Variants in MARCHF1 observed in about 807,000 individuals in gnomAD.
The protein encoded by MARCHF1 is E3 ubiquitin-protein ligase MARCHF1.
Under a neutral mutation model 54.2 loss-of-function variants are expected in MARCHF1, and 40 were observed. That is an observed-to-expected ratio of 0.74 (90% CI 0.57 to 0.96). The LOEUF (loss-of-function observed/expected upper bound fraction) is 0.96, where lower values mean the gene tolerates loss of function less well. MARCHF1 is among the 40% of genes least tolerant of loss of function. The pLI is 0.00. For missense variants in MARCHF1, 586 were observed against 656.5 expected, an observed-to-expected ratio of 0.89 and a Z score of 1.17; for synonymous variants, 236 against 236.3, an observed-to-expected ratio of 1.00 and a Z score of 0.01.
At chr4:163,980,362 C>T (rs925048679) in intron 3 of MARCHF1, among the ~76,000 whole-genome samples, 1 of 138,590 alleles carries the variant, frequency 7.2e-6, no homozygotes. Context: ...ATACAAAAAT[C>T]AATTCAAGAT....
At chr4:164,118,992 A>C (rs543571661) in intron 1 of MARCHF1, among the ~76,000 whole-genome samples, 1 of 151,748 alleles carries the variant, frequency 6.6e-6, no homozygotes, top group South Asian at 2.1e-4. Flanking sequence ...CAAGTGGGAA[A>C]AATTTATTAA....
At chr4:164,199,718 G>GA (rs1560950993) in intron 1 of MARCHF1, among the ~76,000 whole-genome samples, 4 of 139,216 alleles carry the variant, frequency 2.9e-5, no homozygotes, top group African/African-American at 5.5e-5. Context: ...AGAGAAGAGA[G>GA]GAGAAGAGAA....
intron 5 of MARCHF1, among the ~76,000 whole-genome samples, chr4:163,638,110 G>C (rs954022415): frequency 3.1e-4 from 33 of 107,472 alleles, no homozygotes; most frequent in Non-Finnish European, 1.1e-4. Context: ...GGGGAGGGGG[G>C]AGGGATAGCA....
At chr4:163,571,753 T>TTTTG (rs983523307) in intron 8 of MARCHF1, among the ~76,000 whole-genome samples, 3 of 152,088 alleles carry the variant, frequency 2.0e-5, no homozygotes, top group South Asian at 4.1e-4. Context: ...CACTGGGGTT[T>TTTTG]TTTGTTTGTT....
At chr4:163,923,527 G>A (rs567260638) in intron 3 of MARCHF1, among the ~76,000 whole-genome samples, 3 of 152,100 alleles carry the variant, frequency 2.0e-5, no homozygotes, top group Admixed American at 2.0e-4. Context: ...TTTTATTACA[G>A]GCTAGTTATG....
At chr4:163,744,119 G>T (rs6847496) in intron 4 of MARCHF1, among the ~76,000 whole-genome samples, 45,652 of 152,078 alleles carry the variant, frequency 0.3, 8,474 homozygotes, top group Non-Finnish European at 0.43. Context: ...TTTTCAAAGT[G>T]ACTGCATTCA....
chr4:164,021,404 A>G (rs1753661580), intron 2 of MARCHF1, among the ~76,000 whole-genome samples: 1 of 152,130 alleles, frequency 6.6e-6, no homozygotes, highest in African/African-American at 2.4e-5. Flanking sequence ...GTGCTTCACC[A>G]TCCCATTTTT....
intron 4 of MARCHF1, among the ~76,000 whole-genome samples, chr4:163,721,704 A>G (rs559510208): frequency 6.6e-6 from 1 of 152,204 alleles, no homozygotes; most frequent in South Asian, 2.1e-4. Context: ...CCTCAATTTC[A>G]GAGCCTGTTA....
At chr4:163,633,933 G>A (rs1269365472) in intron 5 of MARCHF1, among the ~76,000 whole-genome samples, 13 of 152,120 alleles carry the variant, frequency 8.5e-5, no homozygotes, top group Non-Finnish European at 1.9e-4. Flanking sequence ...GAGAGTGGGG[G>A]CCAATATTCA....
chr4:163,550,508 T>C (rs113319910), intron 8 of MARCHF1, among the ~76,000 whole-genome samples: 8 of 9,926 alleles, frequency 8.1e-4, no homozygotes, highest in Admixed American at 5.4e-3. Context: ...ACGGTAGCCC[T>C]TTTTTTTTTT....
intron 4 of MARCHF1, among the ~76,000 whole-genome samples, chr4:163,734,547 C>CAAAAAAA (rs71600634): frequency 6.9e-6 from 1 of 145,436 alleles, no homozygotes. Flanking sequence ...AAAGCTAGAC[C>CAAAAAAA]AAAAAAAGAA....
At chr4:163,707,550 A>G (rs1579213268) in intron 4 of MARCHF1, among the ~76,000 whole-genome samples, 2 of 152,044 alleles carry the variant, frequency 1.3e-5, no homozygotes, top group East Asian at 3.9e-4. Context: ...AAAATTTAAG[A>G]GTGATAGCTT....
chr4:164,052,534 A>C (rs898856426), intron 2 of MARCHF1, among the ~76,000 whole-genome samples: 3 of 152,090 alleles, frequency 2.0e-5, no homozygotes, highest in African/African-American at 4.8e-5. Flanking sequence ...CGTCTCAAAA[A>C]AAAAAGAGCC....
chr4:163,596,173 T>C (rs1000895218), intron 7 of MARCHF1, among the ~76,000 whole-genome samples: 1 of 152,002 alleles, frequency 6.6e-6, no homozygotes, highest in African/African-American at 2.4e-5. Context: ...GAATGAGTTA[T>C]GGAGGAAGAG....
At chr4:163,667,652 A>C (rs2111118667) in intron 5 of MARCHF1, among the ~76,000 whole-genome samples, 1 of 149,742 alleles carries the variant, frequency 6.7e-6, no homozygotes, top group East Asian at 2.0e-4. Flanking sequence ...TTGAGATGGG[A>C]TCTTGCTCTA....
chr4:164,340,467 T>C (rs1238964860), intron 1 of MARCHF1, among the ~76,000 whole-genome samples: 1 of 142,030 alleles, frequency 7.0e-6, no homozygotes, highest in Non-Finnish European at 1.6e-5. Flanking sequence ...TTTCTCTCTA[T>C]TGCCCAGGAT....
intron 3 of MARCHF1, among the ~76,000 whole-genome samples, chr4:163,890,571 T>C (rs1750639582): frequency 6.6e-6 from 1 of 152,164 alleles, no homozygotes; most frequent in Admixed American, 6.5e-5. Context: ...ACTATATACC[T>C]GTTTCATTGT....
intron 3 of MARCHF1, among the ~76,000 whole-genome samples, chr4:163,964,609 T>C (rs1242255523): frequency 6.6e-6 from 1 of 151,992 alleles, no homozygotes; most frequent in African/African-American, 2.4e-5. Context: ...GGACTGTTGG[T>C]CAAAAATCTT....
chr4:164,223,701 T>C (rs866185406), intron 1 of MARCHF1, among the ~76,000 whole-genome samples: 1 of 151,852 alleles, frequency 6.6e-6, no homozygotes, highest in Non-Finnish European at 1.5e-5. Context: ...TCAAATTCCT[T>C]AGTAATCAAA....
Sources: gnomAD v4.1 joint callset for allele counts (sites outside exome capture counted in the v4.1 genomes callset) on GRCh38, gnomAD v4.1.1 for gene constraint, MANE v1.5 for transcripts, NCBI Gene and HGNC (gene_info 2026-07-23, HGNC 2026-07-21) for gene names.